The following CHST8 variants were observed in gnomAD, a reference collection of about 807,000 sequenced individuals.
CHST8 encodes the protein carbohydrate sulfotransferase 8.
A neutral mutation model predicts 15.0 loss-of-function variants in CHST8; 10 were observed. The observed-to-expected ratio is 0.67, with a 90% CI of 0.41 to 1.13. The LOEUF is 1.13. CHST8 is among the 50% of genes most tolerant of loss of function. CHST8 has a pLI of 0.00. For synonymous variants in CHST8, 259 were observed against 256.6 expected, an observed-to-expected ratio of 1.01 and a Z score of -0.09; for missense variants, 634 against 608.2, an observed-to-expected ratio of 1.04 and a Z score of -0.45.
At chr19:33,643,760 G>A (rs1424084845) in intron 1 of CHST8, among the ~76,000 whole-genome samples, 1 of 152,100 alleles carries the variant, frequency 6.6e-6, no homozygotes, top group African/African-American at 2.4e-5. Context: ...CCTCTATTAT[G>A]ATTCTTGTGT....
At chr19:33,750,693 G>A (rs1051001223) in intron 3 of CHST8, among the ~76,000 whole-genome samples, 7 of 152,188 alleles carry the variant, frequency 4.6e-5, no homozygotes, top group African/African-American at 7.2e-5. Flanking sequence ...ATTCTTTTTC[G>A]TTTTCCAGAA....
In CHST8 at chr19:33,773,224, G is replaced by A. The variant is rs1265047592; in HGVS notation, c.*161G>A. 3.1e-5 allele frequency: 25 copies of A among 796,358 alleles called. No individual in the cohort carries two copies. In the East Asian group the frequency reaches 6.5e-4, roughly 21 times the overall value. 49.3% of individuals were successfully genotyped at this position (796,358 alleles called of 1,614,324 possible). ...CAGGCCCCGGGTGGGGGGCAGAGGC[G>A]CCCAGCCTTGGATGGGGACCCCAGC... On this transcript the variant is annotated 3_prime_UTR_variant, in exon 5 of 5. Transcript: ENST00000650847.
chr19:33,694,860 C>T (rs1388072577), intron 3 of CHST8, among the ~76,000 whole-genome samples: 1 of 152,090 alleles, frequency 6.6e-6, no homozygotes, highest in African/African-American at 2.4e-5. Context: ...GGATTACAGG[C>T]GTAAGCCACC....
chr19:33,715,536 G>A (rs924218922), intron 3 of CHST8, among the ~76,000 whole-genome samples: 3 of 152,218 alleles, frequency 2.0e-5, no homozygotes, highest in African/African-American at 7.2e-5. Context: ...CATGCTTCTG[G>A]TTGCCTTGAC....
intron 1 of CHST8, among the ~76,000 whole-genome samples, chr19:33,654,021 T>C (rs1285464304): frequency 6.6e-6 from 1 of 152,218 alleles, no homozygotes; most frequent in African/African-American, 2.4e-5. Context: ...TTCTATTCTC[T>C]TCCTTGGAAT....
chr19:33,661,432 C>T (rs1972583346), intron 1 of CHST8, among the ~76,000 whole-genome samples: 1 of 152,252 alleles, frequency 6.6e-6, no homozygotes, highest in Non-Finnish European at 1.5e-5. Context: ...TCCTCTGTCT[C>T]TGGTCCCTTG....
chr19:33,704,414 C>G (rs1052428367), intron 3 of CHST8, among the ~76,000 whole-genome samples: 1 of 151,758 alleles, frequency 6.6e-6, no homozygotes, highest in South Asian at 2.1e-4. Context: ...TCACTGGGAT[C>G]CATCAGACAG....
intron 1 of CHST8, among the ~76,000 whole-genome samples, chr19:33,652,415 A>G (rs1200310374): frequency 8.2e-6 from 1 of 122,232 alleles, no homozygotes; most frequent in Non-Finnish European, 1.6e-5. Context: ...TTGCTCTGTC[A>G]TCCAGGCTGG....
At chr19:33,641,170 T>G (rs1326282884) in intron 1 of CHST8, among the ~76,000 whole-genome samples, 1 of 152,142 alleles carries the variant, frequency 6.6e-6, no homozygotes, top group Non-Finnish European at 1.5e-5. Flanking sequence ...CCGAGAGCCC[T>G]TCCCTACAAA....
chr19:33,683,101 A>G (rs1393944047), intron 2 of CHST8, among the ~76,000 whole-genome samples: 1 of 152,212 alleles, frequency 6.6e-6, no homozygotes, highest in Non-Finnish European at 1.5e-5. Flanking sequence ...GAACCAACTC[A>G]TCACCAAGGG....
intron 3 of CHST8, among the ~76,000 whole-genome samples, chr19:33,705,654 G>T (rs1467339700): frequency 1.3e-5 from 2 of 152,132 alleles, no homozygotes; most frequent in East Asian, 1.9e-4. Context: ...TTCTGACTTG[G>T]CAGCCTGCTT....
chr19:33,708,587 G>A (rs770317699), intron 3 of CHST8, among the ~76,000 whole-genome samples: 2 of 152,186 alleles, frequency 1.3e-5, no homozygotes, highest in African/African-American at 4.8e-5. Context: ...TGATCTGTAT[G>A]TCTATTCTTT....
At chr19:33,684,786 TCAGAGACCAGCGCCCGGTG>T (rs1031258132) in intron 2 of CHST8, 15 of 151,980 alleles carry the variant, frequency 9.9e-5, no homozygotes, top group Admixed American at 8.5e-4. Context: ...AAGCCAGGGC[TCAGAGACCAGCGCCCGGTG>T]CAGAGTCCCC....
intron 3 of CHST8, among the ~76,000 whole-genome samples, chr19:33,762,184 T>C (rs1028321414): frequency 2.6e-5 from 4 of 152,214 alleles, no homozygotes; most frequent in Admixed American, 2.0e-4. Context: ...TAGAGGTCAC[T>C]GCAGGCTCTG....
chr19:33,719,545 G>C (rs1256605004), intron 3 of CHST8, among the ~76,000 whole-genome samples: 1 of 152,042 alleles, frequency 6.6e-6, no homozygotes, highest in Admixed American at 6.5e-5. Context: ...ACCATCCCTG[G>C]AGGTGGCAGG....
At chr19:33,651,247 C>G (rs73587175) in intron 1 of CHST8, among the ~76,000 whole-genome samples, 2,452 of 152,114 alleles carry the variant, frequency 0.016, 56 homozygotes, top group African/African-American at 0.05. Flanking sequence ...ATTTTCATTT[C>G]TAGGTGAATT....
At chr19:33,651,838 C>G (rs532045873) in intron 1 of CHST8, among the ~76,000 whole-genome samples, 2 of 152,124 alleles carry the variant, frequency 1.3e-5, no homozygotes, top group Non-Finnish European at 2.9e-5. Context: ...TTTTTCTGTC[C>G]CATTATGTTG....
chr19:33,701,003 C>G (rs1251302760), intron 3 of CHST8, among the ~76,000 whole-genome samples: 1 of 152,130 alleles, frequency 6.6e-6, no homozygotes, highest in East Asian at 1.9e-4. Flanking sequence ...TACCCCGAGC[C>G]TAGTGGGTTT....
intron 3 of CHST8, among the ~76,000 whole-genome samples, chr19:33,771,053 G>A (rs185077848): frequency 5.1e-4 from 78 of 152,266 alleles, no homozygotes; most frequent in Non-Finnish European, 8.4e-4. Flanking sequence ...TTAATGACAT[G>A]GTGGGGTGCA....
Sources: gnomAD v4.1 joint callset for allele counts (sites outside exome capture counted in the v4.1 genomes callset) on GRCh38, gnomAD v4.1.1 for gene constraint, MANE v1.5 for transcripts, NCBI Gene and HGNC (gene_info 2026-07-23, HGNC 2026-07-21) for gene names.